Variants in SLC22A7 observed in about 807,000 individuals in gnomAD.
SLC22A7 encodes solute carrier family 22 member 7, also known as hOAT2.
In SLC22A7, 48 loss-of-function variants were observed where a neutral mutation model predicts 62.2. The ratio of observed to expected loss-of-function variants is 0.77; its 90% CI spans 0.61 to 0.98. The LOEUF (loss-of-function observed/expected upper bound fraction) is 0.98, where lower values mean the gene tolerates loss of function less well. SLC22A7 is among the 50% of genes least tolerant of loss of function. The probability of loss-of-function intolerance (pLI) is 0.00; values close to 1 mark genes in which losing one functional copy is unlikely to be tolerated. For missense variants in SLC22A7, 581 were observed against 703.8 expected, an observed-to-expected ratio of 0.83 and a Z score of 1.97; for synonymous variants, 276 against 314.8, an observed-to-expected ratio of 0.88 and a Z score of 1.30.
intron 6 of SLC22A7, 121 bp downstream of exon 6, chr6:43,301,379 G>A: frequency 2.1e-6 from 3 of 1,441,342 alleles, no homozygotes; most frequent in Non-Finnish European, 2.8e-6. Context: ...CCCCCACAGA[G>A]AGTTCCGAAC....
At chr6:43,303,960 T>C in intron 9 of SLC22A7, 78 bp from the exon 10 acceptor site, 2 of 1,261,524 alleles carry the variant, frequency 1.6e-6, no homozygotes, top group African/African-American at 3.0e-5. Flanking sequence ...CTGCCAGCCC[T>C]GGAGGGAAGC....
In SLC22A7 at chr6:43,299,721, AT is replaced by A. The variant is rs1778668291; in HGVS notation, c.599del (p.Ile200ThrfsTer17). Reference protein sequence around the residue: ...AASVSYVMFAITRTLTGSALA... With the variant: ...AASVSYVMFAXTRTLTGSALA... ...CTCCGTCAGCTATGTAATGTTTGCCATCACCCGCACCCTTACTGGCTCAGCC... is the reference window on the plus strand; with the variant it reads ...CTCCGTCAGCTATGTAATGTTTGCCACACCCGCACCCTTACTGGCTCAGCC... On this transcript the variant is annotated frameshift_variant, in exon 4 of 11. Coordinates refer to ENST00000372585, the MANE Select transcript of SLC22A7 (RefSeq NM_153320.2). LOFTEE classifies it high-confidence loss of function. The surrounding 1 kb of genome is among the most constrained non-coding windows in gnomAD (Gnocchi z 4.4). 6.2e-7 allele frequency: 1 copy of A among 1,614,050 alleles called. No homozygotes were observed. Among genetic ancestry groups the A allele is most frequent in the African/African-American group, 1.3e-5 (1 of 74,918 alleles).
chr6:43,298,794 C>T (rs1778628543), intron 1 of SLC22A7, 43 bp downstream of exon 1: 2 of 1,515,118 alleles, frequency 1.3e-6, no homozygotes, highest in South Asian at 2.7e-5. Flanking sequence ...GAGGGATGGG[C>T]CTGCCATTGC....
intron 10 of SLC22A7, 89 bp from the exon 11 acceptor site, chr6:43,304,582 T>G (rs778888896): frequency 9.2e-5 from 104 of 1,130,988 alleles, no homozygotes; most frequent in Admixed American, 2.2e-4. Context: ...GGAACTGGGG[T>G]GAGCCCTGGG....
At chr6:43,301,716 G>C in intron 7 of SLC22A7, 24 bp downstream of exon 7, 1 of 1,570,272 alleles carries the variant, frequency 6.4e-7, no homozygotes, top group Non-Finnish European at 8.7e-7. Context: ...CTTGGGTCTG[G>C]CATGGGTGTG....
Position 43,302,624 on chromosome 6 carries a change from CCT to C in SLC22A7, c.1277-27_1277-26del. The C allele has an allele frequency of 6.6e-7, 1 of 1,512,622 alleles. No homozygotes were observed. The highest frequency in any genetic ancestry group is 9.1e-7 in the Non-Finnish European group (1 of 1,101,400). 93.7% of individuals were successfully genotyped at this position (1,512,622 alleles called of 1,614,324 possible). On this transcript the variant is annotated intron_variant, in intron 8 of 10. Transcript: ENST00000372585. The surrounding 1 kb of genome is among the most constrained non-coding windows in gnomAD (Gnocchi z 5.0). ...AACACCCCTGGCTCTCCTCCAAGGCCCTCTCACTACCTGAACCCGCTTCCCTC... is the reference window on the plus strand; with the variant it reads ...AACACCCCTGGCTCTCCTCCAAGGCCCTCACTACCTGAACCCGCTTCCCTC...
In SLC22A7 at chr6:43,299,772, A is replaced by G. The variant is rs1476079778; in HGVS notation, c.649A>G (p.Met217Val). Residue 217 changes from methionine to valine, a missense_variant, in exon 4 of 11, where the codon ATG becomes GTG. Met to Val is a conservative substitution (Grantham distance 21). Transcript: ENST00000372585. The surrounding 1 kb of genome is among the most constrained non-coding windows in gnomAD (Gnocchi z 4.4). Reference sequence around the variant, plus strand: ...CCTGGCTGGTTTTACCATCATCGTGATGCCACTGGGTGAGGCAGGCAAGAA... The same window carrying G: ...CCTGGCTGGTTTTACCATCATCGTGGTGCCACTGGGTGAGGCAGGCAAGAA... ...SALAGFTIIV[M>V]PLELEWLDVE... 1 of 1,614,058 alleles carries G rather than the reference A, an allele frequency of 6.2e-7. No homozygotes were observed. The highest frequency in any genetic ancestry group is 1.3e-5 in the African/African-American group (1 of 74,922).
rs765345692 is a variant in SLC22A7, at chr6:43,299,380, G to T, written c.400-10G>T. On this transcript the variant is annotated splice_polypyrimidine_tract_variant and intron_variant, in intron 2 of 10. Transcript: ENST00000372585. The surrounding 1 kb of genome is among the most constrained non-coding windows in gnomAD (Gnocchi z 4.4). The stretch of plus-strand genomic sequence containing the variant: ...GTTCATAGGAGGTCCCTTTCTGCCT[G>T]TCCTTGCAGTGGGATCTGGTGTGTG... 21 of 1,614,076 alleles carry T rather than the reference G, an allele frequency of 1.3e-5. No homozygotes were observed. Among genetic ancestry groups the T allele is most frequent in the Non-Finnish European group, 1.8e-5 (21 of 1,179,882 alleles).
Position 43,302,742 on chromosome 6 carries a change from A to C in SLC22A7, c.1364A>C (p.Glu455Ala), listed in dbSNP as rs1778798677. ...ACCACTGCCTACCTGTTCACTTCAGAGTTGTACCCTACGGTGCTCAGGTGA... is the reference window on the plus strand; with the variant it reads ...ACCACTGCCTACCTGTTCACTTCAGCGTTGTACCCTACGGTGCTCAGGTGA... The part of the protein sequence containing the change: ...AFTTAYLFTS[E>A]LYPTVLRQTG... The change falls in exon 9 of 11, where the codon GAG (glutamate) becomes GCG (alanine). Residue 455 changes from glutamate to alanine, a missense_variant. Transcript: ENST00000372585. The surrounding 1 kb of genome is among the most constrained non-coding windows in gnomAD (Gnocchi z 5.0). 1 of 1,609,368 alleles carries C rather than the reference A, an allele frequency of 6.2e-7. No homozygotes were observed. Among genetic ancestry groups the C allele is most frequent in the Non-Finnish European group, 8.5e-7 (1 of 1,177,322 alleles).
chr6:43,298,297 C>A lies in SLC22A7; in HGVS notation c.-62C>A. ...AGAGTCCAAGGGTCTATGTGGTGGG[C>A]AGTTTGAGCTGGCTGGATACTAGAG... On this transcript the variant is annotated 5_prime_UTR_variant, in exon 1 of 11. Coordinates refer to ENST00000372585, the MANE Select transcript of SLC22A7 (RefSeq NM_153320.2). 1 of 1,415,154 alleles carries A rather than the reference C, an allele frequency of 7.1e-7. No individual in the cohort carries two copies. The highest frequency in any genetic ancestry group is 9.7e-7 in the Non-Finnish European group (1 of 1,026,910). 87.7% of individuals were successfully genotyped at this position (1,415,154 alleles called of 1,614,324 possible).
chr6:43,302,796 G>C lies in SLC22A7; in HGVS notation c.1385+33G>C, dbSNP rs751711843. 17 of 1,406,270 alleles carry C rather than the reference G, an allele frequency of 1.2e-5. No homozygotes were observed. Among genetic ancestry groups the C allele is most frequent in the Non-Finnish European group, 1.7e-5 (17 of 1,000,474 alleles). The allele number at this position is 1,406,270 out of a possible 1,614,324, so 87.1% of individuals were successfully genotyped here. Reference sequence around the variant, plus strand: ...AGCCTGCAACTGATCTGGGGGTATGGGGCTTGTTAGTCACGTGTCTTAACC... The same window carrying C: ...AGCCTGCAACTGATCTGGGGGTATGCGGCTTGTTAGTCACGTGTCTTAACC... On this transcript the variant is annotated intron_variant, in intron 9 of 10. Coordinates refer to ENST00000372585, the MANE Select transcript of SLC22A7 (RefSeq NM_153320.2). This position sits in a 1 kb window ranked among gnomAD's most constrained non-coding sequence, Gnocchi z 5.0.
At chr6:43,300,177 C>A in intron 5 of SLC22A7, 111 bp downstream of exon 5, 1 of 1,116,558 alleles carries the variant, frequency 9.0e-7, no homozygotes, top group Non-Finnish European at 1.3e-6. Context: ...GAAAGAGAAA[C>A]GAAGTGACCA....
At position 43,304,118 on chromosome 6, in the gene SLC22A7, T is replaced by A. The variant is rs1582556679; in HGVS notation, c.1466T>A (p.Val489Glu). ...LAPLAALLDG[V>E]WLSLPKLTYG... ...CCACTGGCGGCCTTGCTGGATGGAG[T>A]GTGGCTGTCACTGCCCAAGCTTACT... is the stretch of plus-strand genomic sequence containing the variant. Residue 489 changes from valine (V) to glutamate (E), a missense_variant, in exon 10 of 11, where the codon GTG becomes GAG. Val to Glu is a moderately radical substitution (Grantham distance 121). Transcript: ENST00000372585. 6.2e-7 allele frequency: 1 copy of A among 1,604,976 alleles called. No homozygotes were observed. The highest frequency in any genetic ancestry group is 1.3e-5 in the African/African-American group (1 of 74,630).
rs751166907 is a variant in SLC22A7 at position 43,301,569 on chromosome 6, T to C, written c.952-14T>C. 2 of 1,603,994 alleles carry C rather than the reference T, an allele frequency of 1.2e-6. No homozygotes were observed. Among genetic ancestry groups the C allele is most frequent in the African/African-American group, 1.3e-5 (1 of 74,846 alleles). On this transcript the variant is annotated splice_polypyrimidine_tract_variant and intron_variant, in intron 6 of 10. Coordinates refer to ENST00000372585, the MANE Select transcript of SLC22A7 (RefSeq NM_153320.2). The stretch of plus-strand genomic sequence containing the variant: ...CCAACTCTGATGTTACAACCTCACC[T>C]CCTTCCCTACCAGGCTGTGAGCAAA...
chr6:43,296,272 A>T (rs1778562412), upstream of SLC22A7, among the ~76,000 whole-genome samples: 1 of 152,248 alleles, frequency 6.6e-6, no homozygotes, highest in Admixed American at 6.5e-5. Context: ...CCACTGCATG[A>T]TTATCAGCTA....
chr6:43,303,585 T>C (rs1284765540), intron 9 of SLC22A7, among the ~76,000 whole-genome samples: 5 of 152,122 alleles, frequency 3.3e-5, no homozygotes, highest in African/African-American at 1.2e-4. Context: ...CCTTGAGGAC[T>C]GTCCCAAGAG....
chr6:43,299,380 G>A lies in SLC22A7; in HGVS notation c.400-10G>A, dbSNP rs765345692. On this transcript the variant is annotated splice_polypyrimidine_tract_variant and intron_variant, in intron 2 of 10. Coordinates refer to ENST00000372585, the MANE Select transcript of SLC22A7 (RefSeq NM_153320.2). This position sits in a 1 kb window ranked among gnomAD's most constrained non-coding sequence, Gnocchi z 4.4. ...GTTCATAGGAGGTCCCTTTCTGCCT[G>A]TCCTTGCAGTGGGATCTGGTGTGTG... The A allele has an allele frequency of 1.9e-6, 3 of 1,613,958 alleles. No homozygotes were observed.
In SLC22A7 at chr6:43,298,659, C is replaced by T. The variant is rs73625098; in HGVS notation, c.301C>T (p.Arg101Cys). ...CACGTTGGGGGAAGAAAGGCAGAGC[C>T]GTGGGGAGCTGGAGGATGAACCTGC... ...NTTLGEERQS[R>C]GELEDEPATV... The change falls in exon 1 of 11, where the codon CGT becomes TGT. Residue 101 changes from arginine to cysteine, a missense_variant. Coordinates refer to ENST00000372585, the MANE Select transcript of SLC22A7 (RefSeq NM_153320.2). 265 of 1,572,722 alleles carry T rather than the reference C, an allele frequency of 1.7e-4. No homozygotes were observed. The African/African-American group carries it at 3.4e-3, about 20-fold the overall frequency.
At chr6:43,298,896 G>A (rs70953677) in intron 1 of SLC22A7, 145 bp downstream of exon 1, 2 of 1,278,050 alleles carry the variant, frequency 1.6e-6, no homozygotes, top group Non-Finnish European at 2.1e-6. Context: ...TGAATATAAG[G>A]CACTTTTAGT....
Sources: allele counts gnomAD v4.1 joint callset (sites outside exome capture counted in the v4.1 genomes callset), GRCh38; gene constraint gnomAD v4.1.1; non-coding constraint Gnocchi (gnomAD v3.1); transcripts MANE v1.5; gene names NCBI Gene and HGNC (gene_info 2026-07-23, HGNC 2026-07-21).